Variants in ANKS1B observed in about 807,000 individuals in gnomAD.
ANKS1B encodes the protein ankyrin repeat and sterile alpha motif domain-containing protein 1B.
ANKS1B carries 36 observed loss-of-function variants against 148.3 expected under a neutral mutation model. The ratio of observed to expected loss-of-function variants is 0.24; its 90% CI spans 0.19 to 0.32. ANKS1B has a LOEUF of 0.32. Ranked by LOEUF, ANKS1B falls within the 10% of genes least tolerant of loss-of-function variation. The probability of loss-of-function intolerance (pLI) is 1.00; values close to 1 mark genes in which losing one functional copy is unlikely to be tolerated. For missense variants in ANKS1B, 1,157 were observed against 1,542.6 expected, an observed-to-expected ratio of 0.75 and a Z score of 4.19; for synonymous variants, 542 against 560.8, an observed-to-expected ratio of 0.97 and a Z score of 0.47.
At chr12:98,991,415 G>A (rs2099926515) in intron 17 of ANKS1B, among the ~76,000 whole-genome samples, 1 of 152,104 alleles carries the variant, frequency 6.6e-6, no homozygotes, top group Non-Finnish European at 1.5e-5. Context: ...GATGTTCTAT[G>A]TGTTGCTTAA....
At chr12:99,872,434 G>A (rs2091630253) in intron 1 of ANKS1B, among the ~76,000 whole-genome samples, 1 of 151,804 alleles carries the variant, frequency 6.6e-6, no homozygotes, top group African/African-American at 2.4e-5. Flanking sequence ...TTTTAATCAG[G>A]GGAAAAATAA....
intron 12 of ANKS1B, among the ~76,000 whole-genome samples, chr12:99,288,282 G>C (rs2079418104): frequency 6.6e-6 from 1 of 152,106 alleles, no homozygotes; most frequent in Admixed American, 6.6e-5. Flanking sequence ...AAGGATGACT[G>C]AAAATGCTTT....
At chr12:99,200,400 G>A (rs2081934288) in intron 14 of ANKS1B, among the ~76,000 whole-genome samples, 2 of 152,144 alleles carry the variant, frequency 1.3e-5, no homozygotes, top group Admixed American at 1.3e-4. Context: ...TAGATAGAAT[G>A]GCTAGATGGT....
At chr12:99,239,273 A>C (rs2088726288) in intron 14 of ANKS1B, among the ~76,000 whole-genome samples, 2 of 152,246 alleles carry the variant, frequency 1.3e-5, no homozygotes, top group African/African-American at 4.8e-5. Context: ...TGATGCATGC[A>C]CAAGCATCAA....
chr12:99,113,622 T>C (rs945104630), intron 15 of ANKS1B, among the ~76,000 whole-genome samples: 1 of 152,218 alleles, frequency 6.6e-6, no homozygotes. Context: ...TTCCACATCA[T>C]AGAGTCAGGT....
At chr12:99,825,480 C>A in intron 1 of ANKS1B, 91 bp from the exon 2 acceptor site, 1 of 935,578 alleles carries the variant, frequency 1.1e-6, no homozygotes. Flanking sequence ...CAGTCAGCAG[C>A]AGGTTGTAGA....
intron 10 of ANKS1B, among the ~76,000 whole-genome samples, chr12:99,448,752 G>C (rs1274186208): frequency 6.6e-6 from 1 of 151,988 alleles, no homozygotes; most frequent in African/African-American, 2.4e-5. Flanking sequence ...TATAGGGAGA[G>C]AAAGAGAGAA....
intron 11 of ANKS1B, among the ~76,000 whole-genome samples, chr12:99,428,118 G>A (rs1012157813): frequency 6.6e-6 from 1 of 152,168 alleles, no homozygotes; most frequent in African/African-American, 2.4e-5. Context: ...TCCTCACATG[G>A]GAAGGAGTCT....
chr12:99,245,267 A>G (rs2153968722), intron 13 of ANKS1B, among the ~76,000 whole-genome samples: 1 of 152,322 alleles, frequency 6.6e-6, no homozygotes, highest in Admixed American at 6.5e-5. Flanking sequence ...TTAAATGTTA[A>G]TTAATCCTGC....
chr12:99,821,657 G>A (rs1324884688), intron 2 of ANKS1B, among the ~76,000 whole-genome samples: 1 of 151,972 alleles, frequency 6.6e-6, no homozygotes, highest in Non-Finnish European at 1.5e-5. Context: ...GCCAATCTGA[G>A]AAAGAACAAG....
At chr12:99,365,668 T>G (rs1273133824) in intron 12 of ANKS1B, among the ~76,000 whole-genome samples, 1 of 152,028 alleles carries the variant, frequency 6.6e-6, no homozygotes, top group Non-Finnish European at 1.5e-5. Context: ...CAATTCTAAA[T>G]GAGAAAGTAT....
intron 9 of ANKS1B, among the ~76,000 whole-genome samples, chr12:99,599,468 G>T (rs1173929023): frequency 6.6e-6 from 1 of 152,012 alleles, no homozygotes; most frequent in East Asian, 1.9e-4. Context: ...GACATGTTTT[G>T]ATTTGCAGCA....
At chr12:99,757,426 T>TA (rs1430820201) in intron 8 of ANKS1B, among the ~76,000 whole-genome samples, 1 of 151,246 alleles carries the variant, frequency 6.6e-6, no homozygotes, top group Non-Finnish European at 1.5e-5. Flanking sequence ...TATTAAAATG[T>TA]AAAAAACATA....
chr12:99,739,728 C>T (rs2059924416), intron 8 of ANKS1B, among the ~76,000 whole-genome samples: 2 of 152,112 alleles, frequency 1.3e-5, no homozygotes, highest in Admixed American at 1.3e-4. Flanking sequence ...TCTGCTGCCA[C>T]TTCTTTTTTC....
At position 99,246,665 on chromosome 12, in the gene ANKS1B, T is replaced by G. The variant is rs776810772; in HGVS notation, c.1956A>C (p.Pro652=). Residue 652 remains proline (P), a synonymous_variant, in exon 13 of 27, where the codon CCA becomes CCC. Transcript: ENST00000683438. The part of the protein sequence containing the change: ...ANSPLPFKQS[P]IENNSEPLVK... ...CCAAAGGTTCTGAGTTATTTTCTAT[T>G]GGAGACTGCTTGAAAGGCAAAGGAC... The G allele has an allele frequency of 3.7e-6, 6 of 1,613,804 alleles. No homozygotes were observed. The highest frequency in any genetic ancestry group is 5.1e-6 in the Non-Finnish European group (6 of 1,179,870).
chr12:99,713,993 G>T (rs189194376), intron 8 of ANKS1B, among the ~76,000 whole-genome samples: 3 of 152,262 alleles, frequency 2.0e-5, no homozygotes, highest in Admixed American at 2.0e-4. Context: ...TCTTTTTCTG[G>T]AGGTTAGAAA....
intron 9 of ANKS1B, among the ~76,000 whole-genome samples, chr12:99,629,062 T>C (rs967508454): frequency 2.6e-5 from 4 of 152,188 alleles, no homozygotes; most frequent in African/African-American, 7.2e-5. Flanking sequence ...AACACAGCTA[T>C]GTCCGTTCAT....
chr12:98,768,461 A>G (rs10860365), intron 25 of ANKS1B, among the ~76,000 whole-genome samples: 93,778 of 129,860 alleles, frequency 0.72, 34,728 homozygotes, highest in Admixed American at 0.8. Context: ...AAGGCCGGGC[A>G]CGGTGGCTCA....
intron 17 of ANKS1B, chr12:98,895,018 C>G (rs1433956510): frequency 9.6e-6 from 8 of 830,240 alleles, no homozygotes; most frequent in Non-Finnish European, 1.2e-5. Context: ...CGCGTCCTCC[C>G]CCGAACGCCG....
Sources: gnomAD v4.1 joint callset for allele counts (sites outside exome capture counted in the v4.1 genomes callset) on GRCh38, gnomAD v4.1.1 for gene constraint, MANE v1.5 for transcripts, NCBI Gene and HGNC (gene_info 2026-07-23, HGNC 2026-07-21) for gene names.